The following TNR variants were observed in gnomAD, a reference collection of about 807,000 sequenced individuals.
The protein encoded by TNR is tenascin-R.
Under a neutral mutation model 150.4 loss-of-function variants are expected in TNR, and 45 were observed. The ratio of observed to expected loss-of-function variants is 0.30; its 90% CI spans 0.24 to 0.38. The LOEUF (loss-of-function observed/expected upper bound fraction) is 0.38. TNR is among the 10% of genes least tolerant of loss of function. TNR has a pLI of 1.00. For missense variants in TNR, 1,544 were observed against 1,759.1 expected, an observed-to-expected ratio of 0.88 and a Z score of 2.19; for synonymous variants, 687 against 678.4, an observed-to-expected ratio of 1.01 and a Z score of -0.20.
chr1:175,591,753 C>G (rs1662807595), intron 1 of TNR, among the ~76,000 whole-genome samples: 1 of 152,228 alleles, frequency 6.6e-6, no homozygotes, highest in Non-Finnish European at 1.5e-5. Context: ...TTCCCATTCT[C>G]TAACTGGGTT....
At chr1:175,669,869 T>C (rs1665643005) in intron 1 of TNR, among the ~76,000 whole-genome samples, 1 of 152,138 alleles carries the variant, frequency 6.6e-6, no homozygotes, top group Admixed American at 6.5e-5. Context: ...CTTCTGAGCA[T>C]CTCCAGTGCA....
chr1:175,374,263 G>A (rs985762205), intron 9 of TNR, among the ~76,000 whole-genome samples: 2 of 152,176 alleles, frequency 1.3e-5, no homozygotes, highest in Admixed American at 1.3e-4. Flanking sequence ...ACCCTGAGGA[G>A]CCGACCTTCT....
intron 1 of TNR, among the ~76,000 whole-genome samples, chr1:175,611,489 T>G (rs569822608): frequency 4.1e-4 from 63 of 152,094 alleles, no homozygotes; most frequent in Non-Finnish European, 7.9e-4. Context: ...CTCGCCACCA[T>G]GCCTGGCTAA....
chr1:175,421,934 C>A (rs1654770796), intron 2 of TNR, among the ~76,000 whole-genome samples: 1 of 152,212 alleles, frequency 6.6e-6, no homozygotes, highest in South Asian at 2.1e-4. Context: ...ATTGTCCAGG[C>A]ACATGCCAAC....
At chr1:175,401,098 C>T (rs1405173300) in intron 4 of TNR, among the ~76,000 whole-genome samples, 1 of 152,132 alleles carries the variant, frequency 6.6e-6, no homozygotes. Flanking sequence ...AGGTAACGTG[C>T]TCATAGTTTG....
intron 20 of TNR, chr1:175,330,550 C>T (rs2101984190): frequency 4.2e-6 from 1 of 240,832 alleles, no homozygotes; most frequent in Non-Finnish European, 8.0e-6. Flanking sequence ...CTCACCTCCT[C>T]TGCCAAACCA....
rs141371115 is a variant in TNR, at chr1:175,511,566, G to A, written c.-64+16703C>T. On this transcript the variant is annotated intron_variant, in intron 2 of 22. Transcript: ENST00000367674. Reference sequence around the variant, plus strand: ...GACCCTGTGACAACTGCCATTTGGCGCCTCTGAGAAGTAACATTCCTGACT... The same window carrying A: ...GACCCTGTGACAACTGCCATTTGGCACCTCTGAGAAGTAACATTCCTGACT... 1.5e-3 allele frequency among the ~76,000 whole-genome samples: 229 copies of A among 152,306 alleles called. 1 individual carries two copies. In the East Asian group the frequency reaches 0.022, roughly 14 times the overall value.
chr1:175,640,791 G>GTATA (rs59240572), intron 1 of TNR, among the ~76,000 whole-genome samples: 130 of 143,690 alleles, frequency 9.0e-4, no homozygotes, highest in Middle Eastern at 3.6e-3. Flanking sequence ...GTGTGTGTGG[G>GTATA]TATATATATA....
At chr1:175,410,098 C>T (rs577007370) in intron 2 of TNR, among the ~76,000 whole-genome samples, 1 of 152,210 alleles carries the variant, frequency 6.6e-6, no homozygotes, top group South Asian at 2.1e-4. Context: ...TGAGAGGACA[C>T]CCGACAGAAG....
chr1:175,386,074 C>T lies in TNR; in HGVS notation c.1735G>A (p.Gly579Arg), dbSNP rs755698038. The T allele has an allele frequency of 3.9e-5, 62 of 1,608,812 alleles. No homozygotes were observed. Among genetic ancestry groups the T allele is most frequent in the Non-Finnish European group, 5.0e-5 (59 of 1,176,190 alleles). ...GTGGCAGAATCGCTCTCGTTGGTCC[C>T]TCGGACGGCACTGACTGACACCTCG... is the stretch of plus-strand genomic sequence containing the variant. ...RYEVSVSAVR[G>R]TNESDSATTQ... Residue 579 changes from glycine (G) to arginine (R), a missense_variant, in exon 8 of 23, where the codon GGG becomes AGG. By Grantham distance (125) the Gly-to-Arg change is moderately radical. Around this residue, in one of 2 missense-constraint regions of TNR, gnomAD observed 1,254 missense variants for 1,329.4 expected, o/e 0.94. Transcript: ENST00000367674.
At chr1:175,382,138 T>C (rs971853645) in intron 8 of TNR, among the ~76,000 whole-genome samples, 4 of 152,172 alleles carry the variant, frequency 2.6e-5, no homozygotes, top group African/African-American at 9.7e-5. Context: ...CAAAATAATT[T>C]TGGGTGTTTA....
intron 2 of TNR, among the ~76,000 whole-genome samples, chr1:175,497,189 G>A (rs549380556): frequency 6.6e-6 from 1 of 152,208 alleles, no homozygotes; most frequent in Non-Finnish European, 1.5e-5. Flanking sequence ...TTTCCAGAAC[G>A]CATACTTTGC....
At chr1:175,737,197 C>A (rs76152677) in intron 1 of TNR, among the ~76,000 whole-genome samples, 5 of 152,108 alleles carry the variant, frequency 3.3e-5, no homozygotes, top group Admixed American at 6.5e-5. Context: ...AAAATGTGAG[C>A]GCTTTATAAA....
chr1:175,435,862 G>A (rs1011935229), intron 2 of TNR, among the ~76,000 whole-genome samples: 2 of 152,174 alleles, frequency 1.3e-5, no homozygotes, highest in Non-Finnish European at 2.9e-5. Flanking sequence ...GCATTTGCTT[G>A]TCTGTAAAGG....
In TNR at chr1:175,322,962, C is replaced by T. The variant is rs191409779; in HGVS notation, c.*395G>A. 6.4e-6 allele frequency: 1 copy of T among 157,162 alleles called. No individual in the cohort carries two copies. The allele number at this position is 157,162 out of a possible 1,614,324, so 9.7% of individuals were successfully genotyped here. ...GGCCAGTGTGAGAACCTGGCCATGT[C>T]AGGCTGTGACAAAATCACAAATACC... On this transcript the variant is annotated 3_prime_UTR_variant, in exon 23 of 23. Coordinates refer to ENST00000367674, the MANE Select transcript of TNR (RefSeq NM_003285.3).
At chr1:175,368,401 T>C (rs1191963984) in intron 9 of TNR, among the ~76,000 whole-genome samples, 1 of 152,190 alleles carries the variant, frequency 6.6e-6, no homozygotes, top group Non-Finnish European at 1.5e-5. Flanking sequence ...TGACTTCTGC[T>C]CCTATCATTG....
chr1:175,663,282 C>G (rs953072524), intron 1 of TNR, among the ~76,000 whole-genome samples: 5 of 152,164 alleles, frequency 3.3e-5, no homozygotes. Flanking sequence ...GACGCTGGTG[C>G]CAGTCAGGCC....
intron 2 of TNR, among the ~76,000 whole-genome samples, chr1:175,432,047 C>T (rs1224511747): frequency 6.6e-6 from 1 of 151,794 alleles, no homozygotes; most frequent in Non-Finnish European, 1.5e-5. Context: ...CATGCGTGAG[C>T]CTCTGCCTGT....
intron 1 of TNR, among the ~76,000 whole-genome samples, chr1:175,687,536 TC>T (rs542253127): frequency 6.6e-6 from 1 of 152,208 alleles, no homozygotes; most frequent in South Asian, 2.1e-4. Context: ...TCCTTTTCTT[TC>T]TCCCAGAAAC....
Sources: allele counts gnomAD v4.1 joint callset (sites outside exome capture counted in the v4.1 genomes callset), GRCh38; gene constraint gnomAD v4.1.1; regional missense constraint gnomAD v4.1.1; transcripts MANE v1.5; gene names NCBI Gene and HGNC (gene_info 2026-07-23, HGNC 2026-07-21).